The following ELP6 variants were observed in gnomAD, a reference collection of about 807,000 sequenced individuals.
The protein encoded by ELP6 is elongator acetyltransferase complex subunit 6, also known as elongator complex protein 6.
ELP6 carries 23 observed loss-of-function variants against 28.1 expected under a neutral mutation model. That is an observed-to-expected ratio of 0.82 (90% CI 0.59 to 1.16). The LOEUF is 1.16. Ranked by LOEUF, ELP6 falls within the 50% of genes most tolerant of loss-of-function variation. ELP6 has a pLI of 0.00. For synonymous variants in ELP6, 132 were observed against 135.8 expected, an observed-to-expected ratio of 0.97 and a Z score of 0.19; for missense variants, 313 against 334.6, an observed-to-expected ratio of 0.94 and a Z score of 0.50.
At chr3:47,513,269 G>A (rs2029942371) in intron 1 of ELP6, 2 of 1,325,636 alleles carry the variant, frequency 1.5e-6, no homozygotes, top group Non-Finnish European at 1.9e-6. Flanking sequence ...TGGGATTACA[G>A]GGGTGAGCCA....
rs1266090997 is a variant in ELP6, at chr3:47,511,131, A to C, written c.133+17T>G. The C allele has an allele frequency of 6.2e-7, 1 of 1,608,174 alleles. No individual in the cohort carries two copies. The highest frequency in any genetic ancestry group is 2.2e-5 in the East Asian group (1 of 44,860). ...CCATCTTGGGTTTCTTTTCTACAGC[A>C]TCAATGAGTCCCATACCTTTGAGAT... On this transcript the variant is annotated intron_variant, in intron 2 of 6. Transcript: ENST00000296149.
rs373089295 is a variant in ELP6 at position 47,504,427 on chromosome 3, G to A, written c.226C>T (p.Arg76Trp). ...AGGAACACAAGCTGCCCACGCTCCC[G>A]CGCCATGGTCAGGCTGACACCCTAA... is the stretch of plus-strand genomic sequence containing the variant. ...QKLGVSLTMARERGQLVFLEG... is the reference protein window; with the variant it reads ...QKLGVSLTMAWERGQLVFLEG... The change falls in exon 4 of 7, where the codon CGG (arginine) becomes TGG (tryptophan). Residue 76 changes from arginine to tryptophan, a missense_variant. By Grantham distance (101) the Arg-to-Trp change is moderately radical. Transcript: ENST00000296149. 32 of 1,607,346 alleles carry A rather than the reference G, an allele frequency of 2.0e-5. No homozygotes were observed. The Middle Eastern group carries it at 5.0e-4, about 25-fold the overall frequency.
chr3:47,499,786 C>G, intron 5 of ELP6: 2 of 1,056,752 alleles, frequency 1.9e-6, no homozygotes, highest in South Asian at 5.6e-5. Flanking sequence ...AGGCCGGGGT[C>G]TGAGTTGGGG....
chr3:47,507,699 G>A (rs1467982685), intron 3 of ELP6, among the ~76,000 whole-genome samples: 1 of 151,684 alleles, frequency 6.6e-6, no homozygotes, highest in African/African-American at 2.4e-5. Flanking sequence ...CCTACATCAG[G>A]TCTCAATTGC....
intron 5 of ELP6, chr3:47,500,100 GACTGGCATCTGC>G: frequency 8.3e-7 from 1 of 1,205,506 alleles, no homozygotes; most frequent in Non-Finnish European, 1.1e-6. Flanking sequence ...AGAAAGGAGG[GACTGGCATCTGC>G]ACAGCCATTA....
At chr3:47,508,127 GGAAA>G (rs1047924849) in intron 3 of ELP6, among the ~76,000 whole-genome samples, 1 of 152,186 alleles carries the variant, frequency 6.6e-6, no homozygotes, top group Admixed American at 6.5e-5. Context: ...GCAAAGGATG[GGAAA>G]GAAAGAATCT....
At chr3:47,503,791 T>G (rs967062267) in intron 4 of ELP6, among the ~76,000 whole-genome samples, 1 of 151,900 alleles carries the variant, frequency 6.6e-6, no homozygotes, top group Non-Finnish European at 1.5e-5. Flanking sequence ...TCAGAGAGGC[T>G]GAGGCAGGAG....
At chr3:47,501,575 A>G (rs1708651666) in intron 5 of ELP6, 75 bp downstream of exon 5, 3 of 1,439,062 alleles carry the variant, frequency 2.1e-6, no homozygotes, top group Non-Finnish European at 9.7e-7. Flanking sequence ...AGATCACAGC[A>G]AGCAAGTGAG....
chr3:47,507,744 G>A (rs548802289), intron 3 of ELP6, among the ~76,000 whole-genome samples: 4 of 151,842 alleles, frequency 2.6e-5, no homozygotes, highest in Non-Finnish European at 5.9e-5. Flanking sequence ...GTCTTCCAAC[G>A]TCCAACACCA....
intron 3 of ELP6, among the ~76,000 whole-genome samples, chr3:47,507,155 G>C (rs1304042211): frequency 1.3e-5 from 2 of 152,036 alleles, no homozygotes; most frequent in Non-Finnish European, 2.9e-5. Flanking sequence ...CTGAGGTCAG[G>C]AGTTTGAGAC....
In ELP6 at chr3:47,504,389, C is replaced by T. The variant is rs757578483; in HGVS notation, c.264G>A (p.Lys88=). ...CCTGGAAGACGACGTCCACTGCAGACTTGAGTCCCTCAAGGAACACAAGCT... is the reference window on the plus strand; with the variant it reads ...CCTGGAAGACGACGTCCACTGCAGATTTGAGTCCCTCAAGGAACACAAGCT... ...RGQLVFLEGL[K]SAVDVVFQAQ... is the part of the protein sequence containing the mutation. Residue 88 remains lysine (K), a synonymous_variant, in exon 4 of 7, where the codon AAG becomes AAA. Coordinates refer to ENST00000296149, the MANE Select transcript of ELP6 (RefSeq NM_001031703.3). The T allele has an allele frequency of 1.2e-6, 2 of 1,610,574 alleles. No homozygotes were observed. The highest frequency in any genetic ancestry group is 1.7e-6 in the Non-Finnish European group (2 of 1,178,144).
intron 3 of ELP6, among the ~76,000 whole-genome samples, chr3:47,507,087 G>C (rs2108115312): frequency 6.6e-6 from 1 of 152,298 alleles, no homozygotes; most frequent in Non-Finnish European, 1.5e-5. Flanking sequence ...TCCTGGCTGG[G>C]CATGGTGGTT....
At position 47,495,979 on chromosome 3, in the gene ELP6, T is replaced by C; in HGVS notation, c.*90A>G. The C allele has an allele frequency of 6.2e-7, 1 of 1,601,478 alleles. No homozygotes were observed. Among genetic ancestry groups the C allele is most frequent in the Non-Finnish European group, 8.5e-7 (1 of 1,174,820 alleles). ...TCGCCGGTCCAGCCTGAAATATTAC[T>C]ACAGAGGAGAAAGACCCATTCTTGC... On this transcript the variant is annotated 3_prime_UTR_variant, in exon 7 of 7. Coordinates refer to ENST00000296149, the MANE Select transcript of ELP6 (RefSeq NM_001031703.3).
chr3:47,500,119 A>G (rs1031065449), intron 5 of ELP6: 30 of 1,180,982 alleles, frequency 2.5e-5, no homozygotes, highest in Non-Finnish European at 3.1e-5. Context: ...CTGCACAGCC[A>G]TTAAATTATA....
At chr3:47,500,520 T>C (rs985924669) in intron 5 of ELP6, 1 of 152,258 alleles carries the variant, frequency 6.6e-6, no homozygotes, top group African/African-American at 2.4e-5. Flanking sequence ...TCCTTCTTTT[T>C]CTCTTTTTTT....
At chr3:47,500,302 T>A in intron 5 of ELP6, 1 of 999,598 alleles carries the variant, frequency 1.0e-6, no homozygotes, top group Non-Finnish European at 1.2e-6. Context: ...TATGTGCATA[T>A]ACTTTGAGAG....
chr3:47,497,338 T>C (rs1347672567), intron 6 of ELP6: 2 of 984,830 alleles, frequency 2.0e-6, no homozygotes, highest in Non-Finnish European at 2.4e-6. Context: ...CAAGTCGTTT[T>C]TCTTTTTTCT....
intron 3 of ELP6, 122 bp downstream of exon 3, chr3:47,510,062 A>G (rs1708970210): frequency 3.7e-6 from 3 of 810,786 alleles, no homozygotes; most frequent in East Asian, 5.2e-5. Flanking sequence ...GCCCGGCCCA[A>G]TATTTCTTTA....
chr3:47,501,565 A>G, intron 5 of ELP6, 85 bp downstream of exon 5: 1 of 1,393,238 alleles, frequency 7.2e-7, no homozygotes, highest in Non-Finnish European at 1.0e-6. Flanking sequence ...GCAAATAAAA[A>G]GATCACAGCA....
Sources: gnomAD v4.1 joint callset for allele counts (sites outside exome capture counted in the v4.1 genomes callset) on GRCh38, gnomAD v4.1.1 for gene constraint, MANE v1.5 for transcripts, NCBI Gene and HGNC (gene_info 2026-07-23, HGNC 2026-07-21) for gene names.